SLC35F1: variants seen among roughly 807,000 people sequenced by gnomAD.
The protein encoded by SLC35F1 is chromosome 6 open reading frame 169.
A neutral mutation model predicts 48.7 loss-of-function variants in SLC35F1; 14 were observed. The ratio of observed to expected loss-of-function variants is 0.29; its 90% CI spans 0.19 to 0.45. SLC35F1 has a LOEUF of 0.45. SLC35F1 is among the 20% of genes least tolerant of loss of function. SLC35F1 has a pLI of 1.00. For missense variants in SLC35F1, 404 were observed against 500.0 expected (o/e 0.81, Z 1.83); for synonymous variants, 190 against 202.2 (o/e 0.94, Z 0.51).
intron 1 of SLC35F1, among the ~76,000 whole-genome samples, chr6:118,052,933 T>A (rs1186163473): frequency 2.0e-5 from 3 of 152,186 alleles, no homozygotes; most frequent in Non-Finnish European, 4.4e-5. Context: ...CTGTCTGTTA[T>A]GTTCAAAGAG....
intron 1 of SLC35F1, among the ~76,000 whole-genome samples, chr6:118,058,254 T>C (rs1231445746): frequency 6.6e-6 from 1 of 152,184 alleles, no homozygotes; most frequent in African/African-American, 2.4e-5. Context: ...TTTGGGTTTT[T>C]AGATTTCTCT....
At chr6:117,922,734 GC>G (rs1320378527) in intron 1 of SLC35F1, among the ~76,000 whole-genome samples, 1 of 152,182 alleles carries the variant, frequency 6.6e-6, no homozygotes, top group Non-Finnish European at 1.5e-5. Flanking sequence ...CTTGTAGCTT[GC>G]CCTGTCACTG....
At chr6:118,280,163 T>C (rs17079954) in intron 6 of SLC35F1, among the ~76,000 whole-genome samples, 6,081 of 152,252 alleles carry the variant, frequency 0.04, 423 homozygotes, top group African/African-American at 0.14. Context: ...GAAAGACTGA[T>C]TGTGATTATC....
intron 1 of SLC35F1, among the ~76,000 whole-genome samples, chr6:117,923,353 T>G (rs1487666209): frequency 6.6e-6 from 1 of 152,014 alleles, no homozygotes; most frequent in East Asian, 2.0e-4. Flanking sequence ...AAACGTCTTG[T>G]GTGCTAAAGC....
chr6:118,109,114 G>C (rs1385644909), intron 1 of SLC35F1, among the ~76,000 whole-genome samples: 2 of 152,184 alleles, frequency 1.3e-5, no homozygotes, highest in Non-Finnish European at 2.9e-5. Context: ...GTAGAGGAAA[G>C]ATGAAATTCA....
At chr6:118,013,334 C>T (rs1286793486) in intron 1 of SLC35F1, among the ~76,000 whole-genome samples, 1 of 152,108 alleles carries the variant, frequency 6.6e-6, no homozygotes, top group Non-Finnish European at 1.5e-5. Context: ...GGCTTTTAAA[C>T]ATTGATCTGC....
At chr6:117,934,750 T>A (rs186923261) in intron 1 of SLC35F1, among the ~76,000 whole-genome samples, 1 of 152,236 alleles carries the variant, frequency 6.6e-6, no homozygotes, top group Non-Finnish European at 1.5e-5. Context: ...ACATTTTTAA[T>A]GTTTTACTCA....
intron 6 of SLC35F1, among the ~76,000 whole-genome samples, chr6:118,278,144 A>G (rs979031935): frequency 1.3e-5 from 2 of 152,194 alleles, no homozygotes; most frequent in African/African-American, 4.8e-5. Context: ...ACTTTCCTCA[A>G]AGAAATTTAG....
At chr6:117,986,338 G>A (rs1452262975) in intron 1 of SLC35F1, among the ~76,000 whole-genome samples, 7 of 152,152 alleles carry the variant, frequency 4.6e-5, no homozygotes, top group Admixed American at 4.6e-4. Context: ...TGTCAGTCCA[G>A]GCAGAGCCTC....
chr6:118,194,165 T>A (rs1490559388), intron 2 of SLC35F1, among the ~76,000 whole-genome samples: 1 of 152,162 alleles, frequency 6.6e-6, no homozygotes, highest in Non-Finnish European at 1.5e-5. Context: ...CTTAATTGGA[T>A]TACTGGATTT....
chr6:118,004,557 AT>A (rs941324189), intron 1 of SLC35F1, among the ~76,000 whole-genome samples: 14 of 152,000 alleles, frequency 9.2e-5, no homozygotes, highest in African/African-American at 3.4e-4. Flanking sequence ...CTTGTTTTCA[AT>A]TTTTTTATTT....
chr6:118,087,021 C>G (rs919841855), intron 1 of SLC35F1, among the ~76,000 whole-genome samples: 1 of 152,174 alleles, frequency 6.6e-6, no homozygotes, highest in Non-Finnish European at 1.5e-5. Context: ...GTTCCCCAGT[C>G]CCCCGGGACC....
At chr6:118,066,712 C>T (rs1772619165) in intron 1 of SLC35F1, among the ~76,000 whole-genome samples, 1 of 149,100 alleles carries the variant, frequency 6.7e-6, no homozygotes, top group South Asian at 2.1e-4. Flanking sequence ...TTCAGGTCAA[C>T]AGTGATAGCT....
chr6:118,088,866 A>C (rs1041764256), intron 1 of SLC35F1, among the ~76,000 whole-genome samples: 24 of 152,200 alleles, frequency 1.6e-4, no homozygotes, highest in Admixed American at 1.5e-3. Context: ...ACATTCATCA[A>C]GCTCTGCATT....
chr6:117,938,269 A>G (rs1289932912), intron 1 of SLC35F1, among the ~76,000 whole-genome samples: 1 of 152,200 alleles, frequency 6.6e-6, no homozygotes, highest in Admixed American at 6.5e-5. Flanking sequence ...CATATAAGTA[A>G]ATATCACTAA....
chr6:118,166,232 G>C (rs531581276), intron 2 of SLC35F1, among the ~76,000 whole-genome samples: 14 of 152,262 alleles, frequency 9.2e-5, no homozygotes, highest in African/African-American at 3.4e-4. Context: ...AGCCACTTCT[G>C]GTGGAGAAGT....
intron 1 of SLC35F1, among the ~76,000 whole-genome samples, chr6:117,922,157 G>A (rs1775908012): frequency 6.6e-6 from 1 of 152,152 alleles, no homozygotes; most frequent in African/African-American, 2.4e-5. Flanking sequence ...ACCAAGAGTG[G>A]TTGGAGGAGA....
chr6:118,105,138 A>G (rs2114372149), intron 1 of SLC35F1, among the ~76,000 whole-genome samples: 1 of 152,296 alleles, frequency 6.6e-6, no homozygotes, highest in East Asian at 1.9e-4. Context: ...GCTTGGTTGC[A>G]TCTATGACCC....
intron 1 of SLC35F1, among the ~76,000 whole-genome samples, chr6:117,923,697 A>ATGTATATATGCATATATG (rs1480360449): frequency 1.0e-5 from 1 of 97,300 alleles, no homozygotes; most frequent in African/African-American, 3.9e-5. Flanking sequence ...ATATGTACAT[A>ATGTATATATGCATATATG]TACATATATG....
Sources: gnomAD v4.1 joint callset for allele counts (sites outside exome capture counted in the v4.1 genomes callset) on GRCh38, gnomAD v4.1.1 for gene constraint, MANE v1.5 for transcripts, NCBI Gene and HGNC (gene_info 2026-07-23, HGNC 2026-07-21) for gene names.